Variants in MYH15 observed in about 807,000 individuals in gnomAD.
MYH15 encodes myosin heavy chain 15, also known as myosin-15.
In MYH15, 227 loss-of-function variants were observed where a neutral mutation model predicts 240.5. That is an observed-to-expected ratio of 0.94 (90% CI 0.85 to 1.05). MYH15 has a LOEUF of 1.05. MYH15 is among the 50% of genes least tolerant of loss of function. The pLI, the probability that MYH15 is intolerant of heterozygous loss-of-function variation, is 0.00. For synonymous variants in MYH15, 785 were observed against 796.7 expected, an observed-to-expected ratio of 0.99 and a Z score of 0.25; for missense variants, 2,217 against 2,247.5, an observed-to-expected ratio of 0.99 and a Z score of 0.27.
rs1225567763 is a variant in MYH15, at chr3:108,439,841, C to A, written c.2971G>T (p.Val991Leu). 1 of 1,613,476 alleles carries A rather than the reference C, an allele frequency of 6.2e-7. No individual in the cohort carries two copies. Among genetic ancestry groups the A allele is most frequent in the African/African-American group, 1.3e-5 (1 of 75,020 alleles). ...ISKLNRAAKV[V>L]QEAHQQTLDD... ...AGGGTCTGCTGATGGGCCTCCTGCA[C>A]AACCTTGGCTGCTCTGTTAAGTTTG... is the stretch of plus-strand genomic sequence containing the variant. Residue 991 changes from valine (V) to leucine (L), a missense_variant, in exon 24 of 41, where the codon GTG becomes TTG. By Grantham distance (32) the Val-to-Leu change is conservative. Coordinates refer to ENST00000693548, the MANE Select transcript of MYH15 (RefSeq NM_014981.3).
At chr3:108,461,950 C>G (rs1270650375) in intron 16 of MYH15, 1 of 152,050 alleles carries the variant, frequency 6.6e-6, no homozygotes, top group African/African-American at 2.4e-5. Flanking sequence ...GAGTACACAC[C>G]CCATTTAAAG....
intron 26 of MYH15, among the ~76,000 whole-genome samples, chr3:108,429,612 C>T (rs1338271805): frequency 6.6e-6 from 1 of 152,100 alleles, no homozygotes; most frequent in African/African-American, 2.4e-5. Flanking sequence ...TATTACAGTA[C>T]AATGAAGCCA....
intron 33 of MYH15, among the ~76,000 whole-genome samples, chr3:108,400,553 G>A (rs73850887): frequency 0.011 from 1,730 of 152,298 alleles, 25 homozygotes; most frequent in African/African-American, 0.039. Context: ...CAGGCCGGGC[G>A]CAGTGGCTCA....
At position 108,508,149 on chromosome 3, in the gene MYH15, C is replaced by A. The variant is rs539226081; in HGVS notation, c.88+2294G>T. On this transcript the variant is annotated intron_variant, in intron 1 of 40. Transcript: ENST00000693548. ...ATCAGTGCTCCTGCATTACAGCCTG[C>A]CTCCTCTAACACATTCTTAGCTTTT... Among the ~76,000 whole-genome samples, 16 of 152,248 alleles carry A rather than the reference C, an allele frequency of 1.1e-4. No individual in the cohort carries two copies. In the South Asian group the frequency reaches 3.3e-3, roughly 32 times the overall value.
intron 5 of MYH15, among the ~76,000 whole-genome samples, chr3:108,498,497 G>A (rs2083411680): frequency 6.6e-6 from 1 of 152,146 alleles, no homozygotes; most frequent in Non-Finnish European, 1.5e-5. Flanking sequence ...CATGTATGAA[G>A]GCTACCACAC....
At chr3:108,405,760 C>G (rs901017806) in intron 32 of MYH15, among the ~76,000 whole-genome samples, 7 of 152,116 alleles carry the variant, frequency 4.6e-5, no homozygotes, top group Admixed American at 2.0e-4. Flanking sequence ...ATGTATTACC[C>G]TTGACTTTTT....
intron 11 of MYH15, among the ~76,000 whole-genome samples, chr3:108,481,644 T>A (rs904305542): frequency 6.6e-6 from 1 of 151,368 alleles, no homozygotes; most frequent in African/African-American, 2.4e-5. Flanking sequence ...GCAATAGGAG[T>A]GCTTACATGC....
At chr3:108,386,283 C>T (rs1260456096) in intron 38 of MYH15, among the ~76,000 whole-genome samples, 2 of 152,168 alleles carry the variant, frequency 1.3e-5, no homozygotes, top group African/African-American at 4.8e-5. Flanking sequence ...GAAGGCAAAG[C>T]CATTGATGTT....
intron 21 of MYH15, among the ~76,000 whole-genome samples, chr3:108,451,988 A>AG (rs2082978068): frequency 5.6e-5 from 2 of 35,794 alleles, no homozygotes; most frequent in Non-Finnish European, 1.0e-4. Context: ...AGTCATTTCT[A>AG]CAAAAAAAAA....
chr3:108,471,066 AGGGAGGG>A (rs2083170937), intron 12 of MYH15, among the ~76,000 whole-genome samples: 1 of 117,924 alleles, frequency 8.5e-6, no homozygotes, highest in East Asian at 3.0e-4. Context: ...GAAGGAAGGG[AGGGAGGG>A]AGGAAGGAAG....
chr3:108,481,517 A>C (rs183970424), intron 11 of MYH15, among the ~76,000 whole-genome samples: 38 of 152,298 alleles, frequency 2.5e-4, no homozygotes, highest in Admixed American at 7.2e-4. Context: ...GGAGGTAGCT[A>C]GAGAAGGCTT....
intron 37 of MYH15, 129 bp from the exon 38 acceptor site, chr3:108,389,203 A>T: frequency 1.4e-6 from 1 of 701,324 alleles, no homozygotes; most frequent in Middle Eastern, 2.5e-4. Flanking sequence ...TTGGTGCTTA[A>T]ACAGGACAGT....
intron 3 of MYH15, 21 bp downstream of exon 3, chr3:108,501,691 G>T (rs1363245872): frequency 2.5e-6 from 4 of 1,613,424 alleles, no homozygotes; most frequent in Non-Finnish European, 3.4e-6. Context: ...TGACAGTTTA[G>T]CAGGAAAGCA....
At chr3:108,433,288 A>G (rs2082796347) in intron 25 of MYH15, among the ~76,000 whole-genome samples, 1 of 152,164 alleles carries the variant, frequency 6.6e-6, no homozygotes, top group Non-Finnish European at 1.5e-5. Context: ...GAATGGCTGT[A>G]TTTACCCAGT....
chr3:108,388,515 C>A (rs1321714817), intron 38 of MYH15, among the ~76,000 whole-genome samples: 1 of 152,058 alleles, frequency 6.6e-6, no homozygotes, highest in Non-Finnish European at 1.5e-5. Flanking sequence ...TCCTCAGTGG[C>A]CTTGAGTGTT....
At position 108,421,137 on chromosome 3, in the gene MYH15, C is replaced by G; in HGVS notation, c.3780G>C (p.Gln1260His). Residue 1260 changes from glutamine (Q) to histidine (H), a missense_variant, in exon 28 of 41, where the codon CAG becomes CAC. By Grantham distance (24) the Gln-to-His change is conservative. Transcript: ENST00000693548. ...TTTGTGCTGCCAGGTCATTTGCCAA[C>G]TGAGTCACCTTATCTAGCTTTGCAG... ...EATAKLDKVTQLANDLAAQKT... is the reference protein window; with the variant it reads ...EATAKLDKVTHLANDLAAQKT... The G allele has an allele frequency of 6.2e-7, 1 of 1,614,174 alleles. No individual in the cohort carries two copies. Among genetic ancestry groups the G allele is most frequent in the Non-Finnish European group, 8.5e-7 (1 of 1,180,010 alleles).
chr3:108,539,974 C>A, the MYH15 span, among the ~76,000 whole-genome samples: 1 of 152,142 alleles, frequency 6.6e-6, no homozygotes, highest in Non-Finnish European at 1.5e-5. Flanking sequence ...CAAGCCCTGA[C>A]AAAGACTGCC....
At position 108,421,214 on chromosome 3, in the gene MYH15, C is replaced by T. The variant is rs377694016; in HGVS notation, c.3703G>A (p.Ala1235Thr). ...TRVEQMTRAK[A>T]NAEKLCTLYE... is the part of the protein sequence containing the mutation. ...AGAGTACAGAGTTTCTCAGCATTTG[C>T]CTATAAGTTGAGAAAGAAGGGCTGG... Residue 1235 changes from alanine (A) to threonine (T), a missense_variant and splice_region_variant, in exon 28 of 41, where the codon GCA (alanine) becomes ACA (threonine). Transcript: ENST00000693548. 2.5e-6 allele frequency: 4 copies of T among 1,611,182 alleles called. No individual in the cohort carries two copies. Among genetic ancestry groups the T allele is most frequent in the Non-Finnish European group, 3.4e-6 (4 of 1,179,624 alleles).
At chr3:108,395,216 C>G (rs1287222783) in intron 35 of MYH15, among the ~76,000 whole-genome samples, 1 of 152,182 alleles carries the variant, frequency 6.6e-6, no homozygotes, top group African/African-American at 2.4e-5. Flanking sequence ...TTGCAGTGAA[C>G]CGAGATTGCA....
Sources: gnomAD v4.1 joint callset for allele counts (sites outside exome capture counted in the v4.1 genomes callset) on GRCh38, gnomAD v4.1.1 for gene constraint, MANE v1.5 for transcripts, NCBI Gene and HGNC (gene_info 2026-07-23, HGNC 2026-07-21) for gene names.